Variants in B4GALT5 observed in about 807,000 individuals in gnomAD.
B4GALT5 encodes beta-1,4-galactosyltransferase 5, also known as UDP-Gal:beta-GlcNAc beta-1,4-galactosyltransferase 5.
B4GALT5 carries 11 observed loss-of-function variants against 45.0 expected under a neutral mutation model. The observed-to-expected ratio is 0.24, with a 90% CI of 0.15 to 0.40. The LOEUF is 0.40. Ranked by LOEUF, B4GALT5 falls within the 10% of genes least tolerant of loss-of-function variation. The probability of loss-of-function intolerance (pLI) is 1.00; values close to 1 mark genes in which losing one functional copy is unlikely to be tolerated. For missense variants in B4GALT5, 337 were observed against 500.2 expected, an observed-to-expected ratio of 0.67 and a Z score of 3.11; for synonymous variants, 185 against 182.9, an observed-to-expected ratio of 1.01 and a Z score of -0.09.
chr20:49,680,989 C>T (rs1035225067), intron 1 of B4GALT5, among the ~76,000 whole-genome samples: 2 of 151,728 alleles, frequency 1.3e-5, no homozygotes, highest in East Asian at 1.9e-4. Flanking sequence ...GGGAGGCTGA[C>T]GTGGGAGAAC....
intron 1 of B4GALT5, among the ~76,000 whole-genome samples, chr20:49,685,106 A>G (rs1172471597): frequency 6.6e-6 from 1 of 152,124 alleles, no homozygotes; most frequent in Non-Finnish European, 1.5e-5. Flanking sequence ...CATGACAACA[A>G]AGAATACTGT....
At chr20:49,658,091 C>T (rs775212568) in intron 1 of B4GALT5, among the ~76,000 whole-genome samples, 5 of 152,136 alleles carry the variant, frequency 3.3e-5, no homozygotes, top group East Asian at 1.9e-4. Context: ...GTTTCAAATG[C>T]GGCCTTGCAT....
At chr20:49,694,361 C>A (rs2085828941) in intron 1 of B4GALT5, among the ~76,000 whole-genome samples, 1 of 151,992 alleles carries the variant, frequency 6.6e-6, no homozygotes, top group East Asian at 1.9e-4. Flanking sequence ...AAATCAAAGG[C>A]AAATCAAAGT....
Position 49,681,821 on chromosome 20 carries a change from C to CGTGGT in B4GALT5, c.116-25124_116-25120dup, listed in dbSNP as rs1380201477. Among the ~76,000 whole-genome samples, 15 of 152,292 alleles carry CGTGGT rather than the reference C, an allele frequency of 9.8e-5. No individual in the cohort carries two copies. In the East Asian group the frequency reaches 2.9e-3, roughly 29 times the overall value. ...TTGAAAACCTCCAAGAAAGGCTGGG[C>CGTGGT]GTGGTGGCTCACGCCTGTAATCCCA... On this transcript the variant is annotated intron_variant, in intron 1 of 8. Coordinates refer to ENST00000371711, the MANE Select transcript of B4GALT5 (RefSeq NM_004776.4).
At chr20:49,645,125 C>T (rs548089069) in intron 3 of B4GALT5, among the ~76,000 whole-genome samples, 1 of 152,280 alleles carries the variant, frequency 6.6e-6, no homozygotes, top group African/African-American at 2.4e-5. Flanking sequence ...GCCTGTAGTC[C>T]CAGCTTCTCA....
chr20:49,706,964 G>A (rs2085886860), intron 1 of B4GALT5, among the ~76,000 whole-genome samples: 1 of 152,140 alleles, frequency 6.6e-6, no homozygotes, highest in African/African-American at 2.4e-5. Flanking sequence ...CTCTCTCAGA[G>A]AGCTCTAAAG....
At chr20:49,642,952 T>A (rs574968720) in intron 4 of B4GALT5, among the ~76,000 whole-genome samples, 196 of 152,370 alleles carry the variant, frequency 1.3e-3, no homozygotes, top group African/African-American at 4.0e-3. Flanking sequence ...GTTATTCAAC[T>A]GTTTTTATTT....
chr20:49,677,624 C>A (rs190012585), intron 1 of B4GALT5, among the ~76,000 whole-genome samples: 1 of 152,096 alleles, frequency 6.6e-6, no homozygotes, highest in Non-Finnish European at 1.5e-5. Context: ...GTTTTTCTTA[C>A]GCAGCTGAAA....
chr20:49,679,003 G>T (rs1347151620), intron 1 of B4GALT5, among the ~76,000 whole-genome samples: 1 of 152,168 alleles, frequency 6.6e-6, no homozygotes, highest in Non-Finnish European at 1.5e-5. Flanking sequence ...ATTAAAAGGG[G>T]CTGGGGGTGG....
intron 1 of B4GALT5, among the ~76,000 whole-genome samples, chr20:49,673,411 C>G (rs530714744): frequency 2.6e-5 from 4 of 151,956 alleles, no homozygotes; most frequent in Admixed American, 6.6e-5. Context: ...CTAGGGAACA[C>G]ATCAAAGTGA....
intron 1 of B4GALT5, 65 bp downstream of exon 1, chr20:49,713,511 C>CG: frequency 6.7e-7 from 1 of 1,493,050 alleles, no homozygotes; most frequent in Non-Finnish European, 9.1e-7. Flanking sequence ...TAGGGAGGGG[C>CG]GGGGATTCCC....
At chr20:49,706,025 CAAA>C (rs55753502) in intron 1 of B4GALT5, among the ~76,000 whole-genome samples, 1 of 106,194 alleles carries the variant, frequency 9.4e-6, no homozygotes, top group African/African-American at 3.5e-5. Flanking sequence ...ACTAAAAATA[CAAA>C]AAAAAAAAAA....
intron 1 of B4GALT5, among the ~76,000 whole-genome samples, chr20:49,687,537 G>A (rs979667755): frequency 7.9e-5 from 12 of 151,956 alleles, no homozygotes; most frequent in African/African-American, 1.2e-4. Context: ...CCAGCTACTC[G>A]GGAGGCTGAG....
Position 49,643,572 on chromosome 20 carries a change from T to A in B4GALT5, c.443A>T (p.Lys148Met), listed in dbSNP as rs368497312. 6.2e-7 allele frequency: 1 copy of A among 1,613,912 alleles called. No homozygotes were observed. Among genetic ancestry groups the A allele is most frequent in the African/African-American group, 1.3e-5 (1 of 74,886 alleles). Reference sequence around the variant, plus strand: ...AGAAGGCTTCCAGTGACCTCCGAGCTTGATGGTTGGGTCTTTGGAGAAGAG... The same window carrying A: ...AGAAGGCTTCCAGTGACCTCCGAGCATGATGGTTGGGTCTTTGGAGAAGAG... The part of the protein sequence containing the change: ...HELFSKDPTI[K>M]LGGHWKPSDC... The change falls in exon 4 of 9, where the codon AAG becomes ATG. Residue 148 changes from lysine (K) to methionine (M), a missense_variant. Coordinates refer to ENST00000371711, the MANE Select transcript of B4GALT5 (RefSeq NM_004776.4).
At chr20:49,689,562 G>T (rs1195495594) in intron 1 of B4GALT5, among the ~76,000 whole-genome samples, 1 of 152,178 alleles carries the variant, frequency 6.6e-6, no homozygotes, top group East Asian at 1.9e-4. Context: ...TCACCATCTT[G>T]ATTCCACTAT....
intron 4 of B4GALT5, among the ~76,000 whole-genome samples, 156 bp downstream of exon 4, chr20:49,643,370 T>C (rs2085584929): frequency 6.6e-6 from 1 of 152,196 alleles, no homozygotes; most frequent in South Asian, 2.1e-4. Context: ...AAAGAGTCCT[T>C]GTGGAAACCC....
chr20:49,658,059 T>C (rs1211079137), intron 1 of B4GALT5, among the ~76,000 whole-genome samples: 1 of 152,204 alleles, frequency 6.6e-6, no homozygotes, highest in Non-Finnish European at 1.5e-5. Flanking sequence ...GTGTTCAGAA[T>C]GCTTTCCGAA....
intron 1 of B4GALT5, among the ~76,000 whole-genome samples, chr20:49,663,698 C>CATATAT (rs71186468): frequency 3.8e-5 from 3 of 78,588 alleles, no homozygotes; most frequent in Non-Finnish European, 6.7e-5. Flanking sequence ...AAAATATATA[C>CATATAT]ATATATATAT....
chr20:49,662,385 T>C (rs1342420935), intron 1 of B4GALT5, among the ~76,000 whole-genome samples: 2 of 152,156 alleles, frequency 1.3e-5, no homozygotes, highest in African/African-American at 4.8e-5. Context: ...TGAGCTCCAT[T>C]AGGGCAAGGC....
Sources: gnomAD v4.1 joint callset for allele counts (sites outside exome capture counted in the v4.1 genomes callset) on GRCh38, gnomAD v4.1.1 for gene constraint, MANE v1.5 for transcripts, NCBI Gene and HGNC (gene_info 2026-07-23, HGNC 2026-07-21) for gene names.